Variants in MDGA2 observed in about 807,000 individuals in gnomAD.
MDGA2 encodes the protein MAM domain-containing glycosylphosphatidylinositol anchor protein 2.
MDGA2 carries 40 observed loss-of-function variants against 117.8 expected under a neutral mutation model. The observed-to-expected ratio is 0.34, with a 90% confidence interval of 0.26 to 0.44. The LOEUF (loss-of-function observed/expected upper bound fraction) is 0.44, where lower values mean the gene tolerates loss of function less well. Among genes scored for constraint, MDGA2 ranks in the 20% least tolerant of loss-of-function variants. The probability of loss-of-function intolerance (pLI) is 1.00; values close to 1 mark genes in which losing one functional copy is unlikely to be tolerated. For synonymous variants in MDGA2, 452 were observed against 439.0 expected (o/e 1.03, Z -0.37); for missense variants, 1,123 against 1,250.6 (o/e 0.90, Z 1.54).
intron 2 of MDGA2, among the ~76,000 whole-genome samples, chr14:47,266,925 C>G (rs1306862367): frequency 6.6e-6 from 1 of 152,180 alleles, no homozygotes; most frequent in East Asian, 1.9e-4. Flanking sequence ...AAACACTTAG[C>G]ACACTAATTC....
intron 9 of MDGA2, among the ~76,000 whole-genome samples, chr14:46,929,038 G>A (rs1188002577): frequency 6.6e-6 from 1 of 152,060 alleles, no homozygotes; most frequent in Non-Finnish European, 1.5e-5. Context: ...AGCTGAATTT[G>A]GCTCTGGGGT....
chr14:46,846,423 G>A (rs1594990609), intron 15 of MDGA2, among the ~76,000 whole-genome samples: 1 of 152,030 alleles, frequency 6.6e-6, no homozygotes, highest in East Asian at 1.9e-4. Context: ...TTACCTCCAT[G>A]ATTTCACTGC....
chr14:47,007,624 T>C (rs1248344417), intron 8 of MDGA2, among the ~76,000 whole-genome samples: 1 of 151,828 alleles, frequency 6.6e-6, no homozygotes, highest in Non-Finnish European at 1.5e-5. Context: ...CTGTTTAGAA[T>C]GTAACAATGA....
At chr14:47,569,599 C>T (rs1416413163) in intron 1 of MDGA2, among the ~76,000 whole-genome samples, 2 of 152,102 alleles carry the variant, frequency 1.3e-5, no homozygotes, top group South Asian at 2.1e-4. Context: ...TAGAGAGGTC[C>T]TGATGCTATG....
intron 5 of MDGA2, among the ~76,000 whole-genome samples, chr14:47,116,095 A>C (rs907181864): frequency 1.3e-5 from 2 of 152,108 alleles, no homozygotes; most frequent in African/African-American, 4.8e-5. Context: ...ATGTACAAAA[A>C]CCAGTCCTGT....
intron 1 of MDGA2, among the ~76,000 whole-genome samples, chr14:47,456,543 T>TGGGAGG (rs1893358689): frequency 6.6e-6 from 1 of 151,836 alleles, no homozygotes; most frequent in Non-Finnish European, 1.5e-5. Context: ...CTTCAGGTTA[T>TGGGAGG]CCACCCATCT....
At chr14:47,054,633 T>A (rs1229551712) in intron 7 of MDGA2, among the ~76,000 whole-genome samples, 1 of 151,896 alleles carries the variant, frequency 6.6e-6, no homozygotes, top group Non-Finnish European at 1.5e-5. Flanking sequence ...CAAAACAGCA[T>A]GGTACTGGTA....
intron 7 of MDGA2, among the ~76,000 whole-genome samples, chr14:47,057,507 G>C (rs1202795922): frequency 6.6e-6 from 1 of 151,964 alleles, no homozygotes; most frequent in East Asian, 1.9e-4. Flanking sequence ...CAATTTGCAT[G>C]TTTAAAGATG....
chr14:47,343,210 AT>A, intron 1 of MDGA2: 11 of 1,134,562 alleles, frequency 9.7e-6, no homozygotes, highest in East Asian at 7.0e-5. Flanking sequence ...AGGAATGGTG[AT>A]TTTTTTTGTT....
intron 16 of MDGA2, among the ~76,000 whole-genome samples, chr14:46,842,840 T>A (rs1880674248): frequency 6.6e-6 from 1 of 152,238 alleles, no homozygotes; most frequent in African/African-American, 2.4e-5. Context: ...TGGAAAGAAC[T>A]GGCAGCCTGA....
At chr14:47,325,734 T>C (rs1259327941) in intron 1 of MDGA2, among the ~76,000 whole-genome samples, 1 of 152,066 alleles carries the variant, frequency 6.6e-6, no homozygotes, top group African/African-American at 2.4e-5. Flanking sequence ...CTCAGAAATA[T>C]CTGATAATGG....
chr14:47,070,272 T>C (rs11847819), intron 6 of MDGA2, among the ~76,000 whole-genome samples: 3,002 of 152,220 alleles, frequency 0.02, 103 homozygotes, highest in African/African-American at 0.068. Flanking sequence ...GATTTATTTT[T>C]TACTATAGGC....
At chr14:47,194,835 A>G (rs1337818776) in intron 3 of MDGA2, among the ~76,000 whole-genome samples, 1 of 151,888 alleles carries the variant, frequency 6.6e-6, no homozygotes. Context: ...CTATTACACT[A>G]GTTTTTTAAA....
intron 3 of MDGA2, among the ~76,000 whole-genome samples, chr14:47,154,939 G>A (rs1355165407): frequency 6.6e-6 from 1 of 152,140 alleles, no homozygotes; most frequent in Non-Finnish European, 1.5e-5. Flanking sequence ...TTTTTCCAGG[G>A]TTGCCCATGG....
Position 46,906,972 on chromosome 14 carries a change from C to CT in MDGA2, c.2238+13039dup, listed in dbSNP as rs372756942. 3.7e-3 allele frequency among the ~76,000 whole-genome samples: 364 copies of CT among 99,514 alleles called. 2 individuals carry two copies. Among genetic ancestry groups the CT allele is most frequent in the Middle Eastern group, 7.6e-3 (1 of 132 alleles). 65.3% of individuals were successfully genotyped at this position (99,514 alleles called of 152,430 possible). A position where few individuals can be genotyped will look rare whatever the true frequency, so the allele number is the denominator to read the frequency against. ...CACTGCATTCTTTGCTTACCTTTTTCTTTTTTTTTTTTTTTTTTTTTTTGA... is the reference window on the plus strand; with the variant it reads ...CACTGCATTCTTTGCTTACCTTTTTCTTTTTTTTTTTTTTTTTTTTTTTTGA... On this transcript the variant is annotated intron_variant, in intron 10 of 16. Transcript: ENST00000399232.
At chr14:46,957,704 T>G in intron 8 of MDGA2, 61 bp from the exon 9 acceptor site, 1 of 1,583,266 alleles carries the variant, frequency 6.3e-7, no homozygotes, top group Non-Finnish European at 8.6e-7. Context: ...CAAAAGCTAC[T>G]CTTATTAGAA....
chr14:47,666,770 G>A (rs1897979472), intron 1 of MDGA2, among the ~76,000 whole-genome samples: 1 of 152,108 alleles, frequency 6.6e-6, no homozygotes, highest in Non-Finnish European at 1.5e-5. Context: ...TCTTGCTGTT[G>A]CTCACTCTTT....
At chr14:47,639,488 G>C (rs1355444090) in intron 1 of MDGA2, among the ~76,000 whole-genome samples, 2 of 152,022 alleles carry the variant, frequency 1.3e-5, no homozygotes, top group Non-Finnish European at 2.9e-5. Context: ...TGCTTTTACA[G>C]TTACTCATGG....
At position 47,129,031 on chromosome 14, in the gene MDGA2, C is replaced by T. The variant is rs568723336; in HGVS notation, c.925+2683G>A. 1.3e-3 allele frequency among the ~76,000 whole-genome samples: 203 copies of T among 152,058 alleles called. 2 individuals carry two copies. Among genetic ancestry groups the T allele is most frequent in the Non-Finnish European group, 1.8e-3 (122 of 67,994 alleles). On this transcript the variant is annotated intron_variant, in intron 5 of 16. Coordinates refer to ENST00000399232, the MANE Select transcript of MDGA2 (RefSeq NM_001113498.3). ...ATGATTATTGATAAAGTTTAATTTT[C>T]TCTCATTGTTCTTGTATTTTAATGA... is the stretch of plus-strand genomic sequence containing the variant.
Sources: gnomAD v4.1 joint callset for allele counts (sites outside exome capture counted in the v4.1 genomes callset) on GRCh38, gnomAD v4.1.1 for gene constraint, MANE v1.5 for transcripts, NCBI Gene and HGNC (gene_info 2026-07-23, HGNC 2026-07-21) for gene names.